SLC11A2: variants seen among roughly 807,000 people sequenced by gnomAD.
SLC11A2 encodes the protein natural resistance-associated macrophage protein 2.
A neutral mutation model predicts 68.0 loss-of-function variants in SLC11A2; 38 were observed. The observed-to-expected ratio is 0.56, with a 90% CI of 0.43 to 0.73. The LOEUF is 0.73. Ranked by LOEUF, SLC11A2 falls within the 30% of genes least tolerant of loss-of-function variation. SLC11A2 has a pLI of 0.00. For synonymous variants in SLC11A2, 242 were observed against 250.6 expected (o/e 0.97, Z 0.32); for missense variants, 517 against 690.5 (o/e 0.75, Z 2.82).
At chr12:50,996,757 A>G in intron 9 of SLC11A2, 60 bp downstream of exon 9, 1 of 1,544,234 alleles carries the variant, frequency 6.5e-7, no homozygotes, top group South Asian at 1.1e-5. Context: ...GTCCCTTGCA[A>G]TTGAAGGAAA....
intron 1 of SLC11A2, among the ~76,000 whole-genome samples, chr12:51,012,047 T>C (rs934046088): frequency 2.6e-5 from 4 of 152,198 alleles, no homozygotes; most frequent in East Asian, 1.9e-4. Flanking sequence ...CATAATGTTC[T>C]AGACCTCATT....
chr12:50,990,386 T>C (rs982797018), intron 15 of SLC11A2, among the ~76,000 whole-genome samples: 19 of 152,232 alleles, frequency 1.2e-4, no homozygotes, highest in African/African-American at 4.1e-4. Context: ...AAACATACTA[T>C]ACTCTCTTGT....
chr12:50,966,547 C>T, the SLC11A2 span, among the ~76,000 whole-genome samples: 192 of 152,294 alleles, frequency 1.3e-3, 4 homozygotes, highest in Admixed American at 9.7e-3. Context: ...AAAAACATCT[C>T]CAGACATTAC....
At chr12:51,009,144 C>CTCCATCAGGTATG in intron 2 of SLC11A2, 1 of 1,506,086 alleles carries the variant, frequency 6.6e-7, no homozygotes, top group Non-Finnish European at 8.8e-7. Context: ...GACATTATAC[C>CTCCATCAGGTATG]TCCATCAGAC....
In SLC11A2 at chr12:51,025,977, C is replaced by A; in HGVS notation, c.-39+333G>T. 2.9e-6 allele frequency: 3 copies of A among 1,022,034 alleles called. No individual in the cohort carries two copies. The South Asian group carries it at 1.0e-4, about 35-fold the overall frequency. The allele number at this position is 1,022,034 out of a possible 1,614,324, so 63.3% of individuals were successfully genotyped here. A position where few individuals can be genotyped will look rare whatever the true frequency, so the allele number is the denominator to read the frequency against. On this transcript the variant is annotated intron_variant, in intron 1 of 15. Coordinates refer to ENST00000262052, the MANE Select transcript of SLC11A2 (RefSeq NM_000617.3). Reference sequence around the variant, plus strand: ...CGAGGCGTCGAAGCAGGTCAGCGCACCCCGACACAGGCCGGGCGCGCCATC... The same window carrying A: ...CGAGGCGTCGAAGCAGGTCAGCGCAACCCGACACAGGCCGGGCGCGCCATC...
the SLC11A2 span, among the ~76,000 whole-genome samples, chr12:50,972,863 G>C: frequency 6.6e-6 from 1 of 152,224 alleles, no homozygotes; most frequent in South Asian, 2.1e-4. Context: ...ATGGCTCACA[G>C]GGTCCTACAC....
At chr12:50,959,141 CG>C in the SLC11A2 span, among the ~76,000 whole-genome samples, 1 of 151,856 alleles carries the variant, frequency 6.6e-6, no homozygotes, top group Non-Finnish European at 1.5e-5. Context: ...TTTCCTGAGA[CG>C]GAGTTTTGCT....
At chr12:50,955,642 C>CG in the SLC11A2 span, among the ~76,000 whole-genome samples, 1 of 152,170 alleles carries the variant, frequency 6.6e-6, no homozygotes, top group African/African-American at 2.4e-5. Flanking sequence ...TCATTATTCA[C>CG]ATATCAAGAA....
At chr12:50,984,449 G>A (rs1345009132), downstream of SLC11A2, among the ~76,000 whole-genome samples, 1 of 152,194 alleles carries the variant, frequency 6.6e-6, no homozygotes, top group Non-Finnish European at 1.5e-5. Flanking sequence ...GAGCAATGGT[G>A]GTAGACTTCT....
chr12:51,002,593 C>A (rs1263671297), intron 5 of SLC11A2, among the ~76,000 whole-genome samples: 2 of 142,816 alleles, frequency 1.4e-5, no homozygotes, highest in African/African-American at 5.2e-5. Context: ...AAGCCAAGAT[C>A]ACACCACTGT....
intron 1 of SLC11A2, among the ~76,000 whole-genome samples, chr12:51,021,226 T>C (rs1001268247): frequency 6.6e-6 from 1 of 152,234 alleles, no homozygotes; most frequent in African/African-American, 2.4e-5. Context: ...GATTTTGGTA[T>C]GCATGTGAGT....
chr12:50,987,585 G>A lies in SLC11A2; in HGVS notation c.*740C>T. The stretch of plus-strand genomic sequence containing the variant: ...CAGGAAAGCTCTGTACTAACAGGCA[G>A]GTTATTAAGACTCCCAAGAAATCCT... On this transcript the variant is annotated 3_prime_UTR_variant, in exon 16 of 16. Coordinates refer to ENST00000262052, the MANE Select transcript of SLC11A2 (RefSeq NM_000617.3). 7.8e-7 allele frequency: 1 copy of A among 1,287,140 alleles called. No homozygotes were observed. Among genetic ancestry groups the A allele is most frequent in the Non-Finnish European group, 1.0e-6 (1 of 988,660 alleles). The allele number at this position is 1,287,140 out of a possible 1,614,324, so 79.7% of individuals were successfully genotyped here.
chr12:51,004,866 C>T lies in SLC11A2; in HGVS notation c.351G>A (p.Leu117=). Residue 117 remains leucine, a synonymous_variant, in exon 5 of 16, where the codon CTG becomes CTA. Coordinates refer to ENST00000262052, the MANE Select transcript of SLC11A2 (RefSeq NM_000617.3). ...ILLLATLVGL[L]LQRLAARLGV... ...CCAGTCTAGCTGCAAGCCGCTGGAGCAGCAGCCCCACAAGGGTGGCCAACA... is the reference window on the plus strand; with the variant it reads ...CCAGTCTAGCTGCAAGCCGCTGGAGTAGCAGCCCCACAAGGGTGGCCAACA... 2 of 1,614,122 alleles carry T rather than the reference C, an allele frequency of 1.2e-6. No homozygotes were observed. Among genetic ancestry groups the T allele is most frequent in the African/African-American group, 2.7e-5 (2 of 75,072 alleles).
At position 50,987,640 on chromosome 12, in the gene SLC11A2, G is replaced by T; in HGVS notation, c.*685C>A. On this transcript the variant is annotated 3_prime_UTR_variant, in exon 16 of 16. Coordinates refer to ENST00000262052, the MANE Select transcript of SLC11A2 (RefSeq NM_000617.3). ...AGCTTTTCAATCTGAGGAAAATCCT[G>T]AGAAGGTAATTAGTAAGCACCACCT... 7.8e-7 allele frequency: 1 copy of T among 1,287,212 alleles called. No homozygotes were observed. The highest frequency in any genetic ancestry group is 1.0e-6 in the Non-Finnish European group (1 of 988,696). The allele number at this position is 1,287,212 out of a possible 1,614,324, so 79.7% of individuals were successfully genotyped here.
At chr12:50,952,755 C>T in the SLC11A2 span, among the ~76,000 whole-genome samples, 1 of 152,220 alleles carries the variant, frequency 6.6e-6, no homozygotes, top group Non-Finnish European at 1.5e-5. Flanking sequence ...CCGGAGATTC[C>T]AACTGCAGGG....
intron 10 of SLC11A2, among the ~76,000 whole-genome samples, chr12:50,995,383 C>A (rs953747871): frequency 1.3e-5 from 2 of 152,182 alleles, no homozygotes; most frequent in Admixed American, 1.3e-4. Flanking sequence ...AGTCTGTCAT[C>A]ATCACAGTTT....
At chr12:50,964,187 A>C in the SLC11A2 span, among the ~76,000 whole-genome samples, 2 of 152,228 alleles carry the variant, frequency 1.3e-5, no homozygotes, top group Admixed American at 6.5e-5. Flanking sequence ...CATTCATATC[A>C]AAATAAGGAA....
At chr12:50,989,963 G>A (rs1271309993) in intron 15 of SLC11A2, among the ~76,000 whole-genome samples, 1 of 152,086 alleles carries the variant, frequency 6.6e-6, no homozygotes, top group Admixed American at 6.6e-5. Flanking sequence ...TGGATCTGTT[G>A]TTATTTTGGC....
At chr12:50,972,887 C>A in the SLC11A2 span, among the ~76,000 whole-genome samples, 1 of 152,236 alleles carries the variant, frequency 6.6e-6, no homozygotes, top group African/African-American at 2.4e-5. Context: ...CGGAGCCTCA[C>A]TGATTGCTAG....
Sources: gnomAD v4.1 joint callset for allele counts (sites outside exome capture counted in the v4.1 genomes callset) on GRCh38, gnomAD v4.1.1 for gene constraint, MANE v1.5 for transcripts, NCBI Gene and HGNC (gene_info 2026-07-23, HGNC 2026-07-21) for gene names.